The following PTPRE variants were observed in gnomAD, a reference collection of about 807,000 sequenced individuals.
The protein encoded by PTPRE is receptor-type tyrosine-protein phosphatase epsilon.
Under a neutral mutation model 102.0 loss-of-function variants are expected in PTPRE, and 51 were observed. The ratio of observed to expected loss-of-function variants is 0.50; its 90% CI spans 0.40 to 0.63. PTPRE has a LOEUF of 0.63. Ranked by LOEUF, PTPRE falls within the 30% of genes least tolerant of loss-of-function variation. The probability of loss-of-function intolerance (pLI) is 0.00; values close to 1 mark genes in which losing one functional copy is unlikely to be tolerated. For missense variants in PTPRE, 752 were observed against 915.1 expected (o/e 0.82, Z 2.30); for synonymous variants, 345 against 348.2 (o/e 0.99, Z 0.10).
chr10:127,986,096 T>C (rs1057312822), intron 2 of PTPRE, among the ~76,000 whole-genome samples: 11 of 152,064 alleles, frequency 7.2e-5, no homozygotes, highest in Non-Finnish European at 1.6e-4. Flanking sequence ...GTCTCAAAAA[T>C]TAAAAAAAAA....
chr10:127,925,821 G>A (rs2135205405), intron 1 of PTPRE, among the ~76,000 whole-genome samples: 1 of 152,272 alleles, frequency 6.6e-6, no homozygotes, highest in Non-Finnish European at 1.5e-5. Context: ...CCTCCCCTGG[G>A]AGGTGGAGCA....
chr10:127,939,165 G>A (rs1848043652), intron 1 of PTPRE, among the ~76,000 whole-genome samples: 1 of 152,156 alleles, frequency 6.6e-6, no homozygotes, highest in Non-Finnish European at 1.5e-5. Context: ...AGACGTTTCA[G>A]CAAGTGAAAT....
chr10:127,988,688 AG>A (rs1852341363), intron 2 of PTPRE, among the ~76,000 whole-genome samples: 2 of 152,170 alleles, frequency 1.3e-5, no homozygotes, highest in African/African-American at 4.8e-5. Flanking sequence ...GGGAAGAGGG[AG>A]GGAGGAGAGC....
rs557574501 is a variant in PTPRE at position 128,045,537 on chromosome 10, C to A, written c.110-1853C>A. ...TACATTCGAGAGGGAGGAGGGGGAC[C>A]GAGGCCCAAGCTTTCTGGCTGAGTC... is the stretch of plus-strand genomic sequence containing the variant. On this transcript the variant is annotated intron_variant, in intron 3 of 20. Coordinates refer to ENST00000254667, the MANE Select transcript of PTPRE (RefSeq NM_006504.6). Among the ~76,000 whole-genome samples the A allele has an allele frequency of 1.3e-3, 200 of 152,258 alleles. 1 individual carries two copies. Among genetic ancestry groups the A allele is most frequent in the African/African-American group, 4.7e-3 (194 of 41,554 alleles).
chr10:128,071,511 T>C (rs12569557), intron 15 of PTPRE: 2,549 of 154,128 alleles, frequency 0.017, 94 homozygotes, highest in East Asian at 0.14. Flanking sequence ...GGCAGGGGAG[T>C]GGGAATCGGG....
intron 2 of PTPRE, among the ~76,000 whole-genome samples, chr10:128,017,758 T>C (rs951794290): frequency 6.6e-6 from 1 of 152,126 alleles, no homozygotes; most frequent in Non-Finnish European, 1.5e-5. Context: ...ACCGAGGCTT[T>C]TGGAGGCGCA....
At chr10:127,943,441 T>C (rs529989009) in intron 1 of PTPRE, among the ~76,000 whole-genome samples, 1 of 152,142 alleles carries the variant, frequency 6.6e-6, no homozygotes, top group Non-Finnish European at 1.5e-5. Flanking sequence ...TGCAGCTCTT[T>C]GTCTGTGCAT....
intron 2 of PTPRE, among the ~76,000 whole-genome samples, chr10:128,021,909 C>T (rs569652518): frequency 1.3e-5 from 2 of 152,302 alleles, no homozygotes; most frequent in South Asian, 4.1e-4. Flanking sequence ...CATTCCTGTT[C>T]GAGGCTTTGA....
intron 2 of PTPRE, among the ~76,000 whole-genome samples, chr10:128,024,799 A>G (rs1375450668): frequency 6.6e-6 from 1 of 152,226 alleles, no homozygotes; most frequent in East Asian, 1.9e-4. Context: ...TTTTTAAAAA[A>G]TTATTTGATA....
chr10:128,023,053 T>C (rs1385475425), intron 2 of PTPRE, among the ~76,000 whole-genome samples: 1 of 152,200 alleles, frequency 6.6e-6, no homozygotes, highest in African/African-American at 2.4e-5. Flanking sequence ...CAGTTTCAGT[T>C]ACCCACGGTC....
At chr10:128,005,124 T>C (rs1564873326) in intron 2 of PTPRE, among the ~76,000 whole-genome samples, 1 of 152,250 alleles carries the variant, frequency 6.6e-6, no homozygotes, top group Non-Finnish European at 1.5e-5. Flanking sequence ...ACTTTATGCA[T>C]TCTGGCTACT....
At chr10:127,993,296 G>A (rs980583903) in intron 2 of PTPRE, among the ~76,000 whole-genome samples, 3 of 152,294 alleles carry the variant, frequency 2.0e-5, no homozygotes, top group African/African-American at 2.4e-5. Context: ...CTGACAATTC[G>A]CGCTATCAGA....
intron 1 of PTPRE, among the ~76,000 whole-genome samples, chr10:127,958,959 C>T (rs1388689795): frequency 4.0e-5 from 6 of 149,392 alleles, no homozygotes; most frequent in South Asian, 2.1e-4. Flanking sequence ...TGCAATGGCA[C>T]GATCTCAGCT....
chr10:127,969,689 C>CA (rs1850557483), intron 1 of PTPRE, among the ~76,000 whole-genome samples: 1 of 136,816 alleles, frequency 7.3e-6, no homozygotes, highest in African/African-American at 2.9e-5. Flanking sequence ...AAAAGGGGGG[C>CA]GGGGGGATGA....
At chr10:127,974,448 A>G (rs1233114593) in intron 1 of PTPRE, among the ~76,000 whole-genome samples, 2 of 152,178 alleles carry the variant, frequency 1.3e-5, no homozygotes, top group Non-Finnish European at 2.9e-5. Flanking sequence ...CTTGAGAAAG[A>G]TGACCTAACT....
At chr10:127,932,723 G>A (rs537210863) in intron 1 of PTPRE, among the ~76,000 whole-genome samples, 8 of 152,334 alleles carry the variant, frequency 5.3e-5, no homozygotes, top group East Asian at 1.9e-4. Flanking sequence ...GTGGCTCACC[G>A]TCAGAGAAGC....
chr10:128,017,000 G>A (rs745391175), intron 2 of PTPRE, among the ~76,000 whole-genome samples: 3 of 152,180 alleles, frequency 2.0e-5, no homozygotes, highest in Non-Finnish European at 4.4e-5. Context: ...GGAAGATGAG[G>A]CACATCTTGG....
intron 2 of PTPRE, among the ~76,000 whole-genome samples, chr10:128,014,732 TC>T (rs1460749575): frequency 1.3e-5 from 2 of 152,096 alleles, no homozygotes; most frequent in East Asian, 3.9e-4. Flanking sequence ...AACCCCAGCT[TC>T]ACCTTGGCTT....
At position 128,085,137 on chromosome 10, in the gene PTPRE, T is replaced by C. The variant is rs1283721717; in HGVS notation, c.*2231T>C. ...TCCCCTCCACTGTCCGGGACAGCGT[T>C]CGCCCTTTAGCGGGGAGGTCATTAC... On this transcript the variant is annotated 3_prime_UTR_variant, in exon 21 of 21. Coordinates refer to ENST00000254667, the MANE Select transcript of PTPRE (RefSeq NM_006504.6). 1 of 456,050 alleles carries C rather than the reference T, an allele frequency of 2.2e-6. No individual in the cohort carries two copies. The highest frequency in any genetic ancestry group is 1.5e-5 in the South Asian group (1 of 64,550). The allele number at this position is 456,050 out of a possible 1,614,324, so 28.3% of individuals were successfully genotyped here.
Sources: gnomAD v4.1 joint callset for allele counts (sites outside exome capture counted in the v4.1 genomes callset) on GRCh38, gnomAD v4.1.1 for gene constraint, MANE v1.5 for transcripts, NCBI Gene and HGNC (gene_info 2026-07-23, HGNC 2026-07-21) for gene names.